DTNB: variants seen among roughly 807,000 people sequenced by gnomAD.
DTNB encodes the protein dystrobrevin beta.
A neutral mutation model predicts 90.7 loss-of-function variants in DTNB; 63 were observed. The observed-to-expected ratio is 0.69, with a 90% confidence interval of 0.57 to 0.86. DTNB has a LOEUF of 0.86. Ranked by LOEUF, DTNB falls within the 40% of genes least tolerant of loss-of-function variation. The pLI is 0.00. For missense variants in DTNB, 744 were observed against 807.1 expected (o/e 0.92, Z 0.95); for synonymous variants, 277 against 286.7 (o/e 0.97, Z 0.34).
Position 25,478,073 on chromosome 2 carries a change from G to A in DTNB, c.1079+4723C>T, listed in dbSNP as rs138498443. On this transcript the variant is annotated intron_variant, in intron 10 of 20. Transcript: ENST00000406818. ...TGTCATTTTAGTGGTGTTTCAGGAC[G>A]AAACAGGCAAATGTGACTTAATATG... is the stretch of plus-strand genomic sequence containing the variant. 3.9e-3 allele frequency among the ~76,000 whole-genome samples: 588 copies of A among 149,358 alleles called. 3 individuals are homozygous for A. The highest frequency in any genetic ancestry group is 0.014 in the African/African-American group (555 of 40,778).
At chr2:25,532,444 C>T (rs1315740621) in intron 8 of DTNB, among the ~76,000 whole-genome samples, 3 of 152,082 alleles carry the variant, frequency 2.0e-5, no homozygotes, top group Non-Finnish European at 4.4e-5. Flanking sequence ...AGAGTACATT[C>T]ACAATACACA....
chr2:25,565,858 A>G (rs1572670330), intron 8 of DTNB, among the ~76,000 whole-genome samples: 1 of 152,214 alleles, frequency 6.6e-6, no homozygotes, highest in Non-Finnish European at 1.5e-5. Flanking sequence ...TTCAAGACGT[A>G]ATAGTCTAGA....
chr2:25,393,182 C>T (rs553452562), intron 16 of DTNB, among the ~76,000 whole-genome samples: 2 of 152,294 alleles, frequency 1.3e-5, no homozygotes, highest in Non-Finnish European at 2.9e-5. Flanking sequence ...AATCCAGCAT[C>T]GCTTTATGAC....
chr2:25,560,005 TTG>T (rs1416541605), intron 8 of DTNB, among the ~76,000 whole-genome samples: 1 of 152,202 alleles, frequency 6.6e-6, no homozygotes, highest in Non-Finnish European at 1.5e-5. Flanking sequence ...TCCCAACACT[TTG>T]AGAGGCCAAG....
At chr2:25,437,134 T>C (rs1434082747) in intron 12 of DTNB, among the ~76,000 whole-genome samples, 1 of 152,166 alleles carries the variant, frequency 6.6e-6, no homozygotes, top group Non-Finnish European at 1.5e-5. Flanking sequence ...GCAGTTCCCC[T>C]AGGGGCAGCT....
At chr2:25,471,596 A>G (rs1411915438) in intron 10 of DTNB, among the ~76,000 whole-genome samples, 2 of 152,102 alleles carry the variant, frequency 1.3e-5, no homozygotes, top group Non-Finnish European at 1.5e-5. Flanking sequence ...GGGTTTCGCT[A>G]TGTTGGCCAG....
intron 10 of DTNB, among the ~76,000 whole-genome samples, chr2:25,469,506 T>G (rs1574858335): frequency 6.6e-6 from 1 of 152,098 alleles, no homozygotes; most frequent in African/African-American, 2.4e-5. Context: ...AGTGCAGTGG[T>G]GTGATCTCAG....
At chr2:25,433,573 G>A (rs1488979253) in intron 13 of DTNB, among the ~76,000 whole-genome samples, 1 of 151,740 alleles carries the variant, frequency 6.6e-6, no homozygotes, top group Non-Finnish European at 1.5e-5. Context: ...AGCATAATGG[G>A]TCAGGACAAG....
chr2:25,500,258 C>T (rs1399002738), intron 9 of DTNB, among the ~76,000 whole-genome samples: 1 of 152,060 alleles, frequency 6.6e-6, no homozygotes, highest in Non-Finnish European at 1.5e-5. Flanking sequence ...CCAAAAGTGT[C>T]AATTGGTCGG....
chr2:25,618,905 T>C (rs944409291), intron 4 of DTNB, among the ~76,000 whole-genome samples: 2 of 152,182 alleles, frequency 1.3e-5, no homozygotes, highest in African/African-American at 4.8e-5. Context: ...GAAAACACCA[T>C]TATTAGCTCT....
At chr2:25,379,362 G>C (rs748009282) in intron 19 of DTNB, 39 bp from the exon 20 acceptor site, 1 of 1,309,422 alleles carries the variant, frequency 7.6e-7, no homozygotes, top group Non-Finnish European at 9.8e-7. Flanking sequence ...CTGAGGTCAC[G>C]GCCAGGTCTT....
chr2:25,545,370 G>C (rs1406044875), intron 8 of DTNB, among the ~76,000 whole-genome samples: 1 of 152,150 alleles, frequency 6.6e-6, no homozygotes, highest in Non-Finnish European at 1.5e-5. Flanking sequence ...TTTTGTGATT[G>C]GGTTTGCAAT....
intron 14 of DTNB, chr2:25,428,089 T>G (rs1253782075): frequency 6.6e-6 from 1 of 152,428 alleles, no homozygotes; most frequent in African/African-American, 2.4e-5. Flanking sequence ...CAGTCACTTT[T>G]CCTTGAGGAT....
intron 9 of DTNB, among the ~76,000 whole-genome samples, chr2:25,486,989 T>C (rs902230506): frequency 6.6e-6 from 1 of 152,182 alleles, no homozygotes; most frequent in Non-Finnish European, 1.5e-5. Context: ...TAATAAGATA[T>C]ACCATTTTTT....
At chr2:25,576,392 A>C (rs2060687471) in intron 8 of DTNB, 1 of 150,532 alleles carries the variant, frequency 6.6e-6, no homozygotes, top group African/African-American at 2.5e-5. Flanking sequence ...CGCCCGGATA[A>C]TTTTTTTTTG....
chr2:25,400,646 T>C (rs1163032935), intron 16 of DTNB, among the ~76,000 whole-genome samples: 1 of 152,252 alleles, frequency 6.6e-6, no homozygotes, highest in Admixed American at 6.5e-5. Flanking sequence ...GCAATTCGCC[T>C]GGAGAAGCAA....
intron 4 of DTNB, among the ~76,000 whole-genome samples, chr2:25,613,714 C>T (rs890787607): frequency 2.6e-5 from 4 of 151,142 alleles, no homozygotes; most frequent in Non-Finnish European, 4.4e-5. Flanking sequence ...AATCGCAACA[C>T]GTTGGGAGGC....
chr2:25,563,899 T>C (rs1389539783), intron 8 of DTNB, among the ~76,000 whole-genome samples: 1 of 152,190 alleles, frequency 6.6e-6, no homozygotes, highest in Non-Finnish European at 1.5e-5. Context: ...TTTTTCTTTT[T>C]TCTTTTTTTG....
chr2:25,506,722 AT>A (rs2072542549), intron 9 of DTNB, among the ~76,000 whole-genome samples: 1 of 152,260 alleles, frequency 6.6e-6, no homozygotes, highest in African/African-American at 2.4e-5. Flanking sequence ...ATTGTTAAAA[AT>A]TAAATTTAAT....
Sources: allele counts gnomAD v4.1 joint callset (sites outside exome capture counted in the v4.1 genomes callset), GRCh38; gene constraint gnomAD v4.1.1; transcripts MANE v1.5; gene names NCBI Gene and HGNC (gene_info 2026-07-23, HGNC 2026-07-21).